FIP1L1: variants seen among roughly 807,000 people sequenced by gnomAD.
FIP1L1 encodes the protein pre-mRNA 3'-end-processing factor FIP1.
FIP1L1 carries 21 observed loss-of-function variants against 84.6 expected under a neutral mutation model. The ratio of observed to expected loss-of-function variants is 0.25; its 90% CI spans 0.18 to 0.36. The LOEUF is 0.36. Among genes scored for constraint, FIP1L1 ranks in the 10% least tolerant of loss-of-function variants. The probability of loss-of-function intolerance (pLI) is 1.00; values close to 1 mark genes in which losing one functional copy is unlikely to be tolerated. For missense variants in FIP1L1, 526 were observed against 751.1 expected (o/e 0.70, Z 3.50); for synonymous variants, 263 against 242.3 (o/e 1.09, Z -0.80).
intron 5 of FIP1L1, among the ~76,000 whole-genome samples, chr4:53,388,759 A>G (rs1220514239): frequency 1.3e-5 from 2 of 152,246 alleles, no homozygotes; most frequent in African/African-American, 2.4e-5. Context: ...CTACTCATAT[A>G]TAAGAATCCA....
At chr4:53,412,590 T>C (rs1315635855) in intron 10 of FIP1L1, among the ~76,000 whole-genome samples, 10 of 152,060 alleles carry the variant, frequency 6.6e-5, no homozygotes, top group Non-Finnish European at 1.5e-4. Context: ...TAGATTCAGG[T>C]TTTGCTTTTT....
At position 53,391,117 on chromosome 4, in the gene FIP1L1, C is replaced by A; in HGVS notation, c.614C>A (p.Thr205Asn). The A allele has an allele frequency of 6.2e-7, 1 of 1,606,000 alleles. No individual in the cohort carries two copies. The highest frequency in any genetic ancestry group is 8.5e-7 in the Non-Finnish European group (1 of 1,177,616). The stretch of plus-strand genomic sequence containing the variant: ...ATGGGACTTGAAGTTATACCAGTAA[C>A]CTCTACTACAAATAAAATTACGGTA... ...IRMGLEVIPV[T>N]STTNKITAED... Residue 205 changes from threonine to asparagine, a missense_variant, in exon 8 of 18, where the codon ACC becomes AAC. Thr to Asn is a moderately conservative substitution (Grantham distance 65). This residue lies in a region of FIP1L1 where 169 missense variants were observed against 206.9 expected (regional missense o/e 0.82). Coordinates refer to ENST00000337488, the MANE Select transcript of FIP1L1 (RefSeq NM_030917.4).
chr4:53,406,574 A>G (rs1753621218), intron 10 of FIP1L1, among the ~76,000 whole-genome samples: 1 of 152,182 alleles, frequency 6.6e-6, no homozygotes, highest in African/African-American at 2.4e-5. Flanking sequence ...GAATAGTTTC[A>G]GAAGGAATGG....
chr4:53,449,715 C>T (rs2150347967), intron 15 of FIP1L1, among the ~76,000 whole-genome samples: 1 of 152,206 alleles, frequency 6.6e-6, no homozygotes, highest in South Asian at 2.1e-4. Flanking sequence ...TACCTTCACT[C>T]ACCTGTAAAA....
chr4:53,380,397 A>G (rs2149250786), intron 3 of FIP1L1, among the ~76,000 whole-genome samples: 1 of 152,352 alleles, frequency 6.6e-6, no homozygotes, highest in East Asian at 1.9e-4. Flanking sequence ...ATTAGTGGTT[A>G]CTAAGAGTTG....
intron 13 of FIP1L1, among the ~76,000 whole-genome samples, chr4:53,433,796 G>C (rs1767826282): frequency 6.6e-6 from 1 of 152,132 alleles, no homozygotes; most frequent in Non-Finnish European, 1.5e-5. Flanking sequence ...GTAGGATTCT[G>C]CATTTTAGAA....
At chr4:53,454,069 T>G (rs1717613697) in intron 16 of FIP1L1, among the ~76,000 whole-genome samples, 1 of 152,234 alleles carries the variant, frequency 6.6e-6, no homozygotes, top group Admixed American at 6.5e-5. Flanking sequence ...GTGTTAAGTT[T>G]TAATGTTTAA....
Position 53,460,361 on chromosome 4 carries a change from T to A in FIP1L1, c.*912T>A, listed in dbSNP as rs1579323396. 5.7e-6 allele frequency: 1 copy of A among 175,856 alleles called. No individual in the cohort carries two copies. Among genetic ancestry groups the A allele is most frequent in the Non-Finnish European group, 1.1e-5 (1 of 88,736 alleles). 10.9% of individuals were successfully genotyped at this position (175,856 alleles called of 1,614,324 possible). Reference sequence around the variant, plus strand: ...GGTATTCATCGGTGATGGTAACAAATAACATGGTATTTGAAAGAATAAATT... The same window carrying A: ...GGTATTCATCGGTGATGGTAACAAAAAACATGGTATTTGAAAGAATAAATT... On this transcript the variant is annotated 3_prime_UTR_variant, in exon 18 of 18. Coordinates refer to ENST00000337488, the MANE Select transcript of FIP1L1 (RefSeq NM_030917.4).
intron 7 of FIP1L1, 97 bp downstream of exon 7, chr4:53,390,725 A>T (rs945523366): frequency 1.5e-5 from 11 of 751,178 alleles, no homozygotes; most frequent in Non-Finnish European, 2.3e-5. Context: ...TTTTTTCATT[A>T]TAATTTTAAT....
At chr4:53,429,526 A>G (rs558788425) in intron 13 of FIP1L1, among the ~76,000 whole-genome samples, 4 of 152,346 alleles carry the variant, frequency 2.6e-5, no homozygotes, top group Admixed American at 1.3e-4. Context: ...TAAAAGGTAG[A>G]AATAATTAAT....
At chr4:53,386,260 A>T (rs149095983) in intron 5 of FIP1L1, among the ~76,000 whole-genome samples, 1 of 152,170 alleles carries the variant, frequency 6.6e-6, no homozygotes, top group Non-Finnish European at 1.5e-5. Context: ...GCCTTTATCA[A>T]ACCATCTGTG....
At chr4:53,459,229 A>G in intron 17 of FIP1L1, 73 bp from the exon 18 acceptor site, 1 of 1,048,442 alleles carries the variant, frequency 9.5e-7, no homozygotes, top group Non-Finnish European at 1.4e-6. Flanking sequence ...GAATTTCCTT[A>G]GAGTGATTGG....
intron 13 of FIP1L1, among the ~76,000 whole-genome samples, chr4:53,437,777 G>GT (rs1770086897): frequency 6.6e-6 from 1 of 151,848 alleles, no homozygotes; most frequent in Non-Finnish European, 1.5e-5. Flanking sequence ...CCAGGCTGGA[G>GT]TGCAGTGGCG....
chr4:53,460,434 A>G lies in FIP1L1; in HGVS notation c.*985A>G, dbSNP rs1175164529. 1 of 190,558 alleles carries G rather than the reference A, an allele frequency of 5.2e-6. No homozygotes were observed. The highest frequency in any genetic ancestry group is 2.3e-5 in the African/African-American group (1 of 42,950). 11.8% of individuals were successfully genotyped at this position (190,558 alleles called of 1,614,324 possible). A position where few individuals can be genotyped will look rare whatever the true frequency, so the allele number is the denominator to read the frequency against. On this transcript the variant is annotated 3_prime_UTR_variant, in exon 18 of 18. Coordinates refer to ENST00000337488, the MANE Select transcript of FIP1L1 (RefSeq NM_030917.4). ...TAATACAAAAGTAATCTTAATTAGT[A>G]TCACATACTAAAAGACAACTATAAC...
At chr4:53,429,666 A>G (rs1049310075) in intron 13 of FIP1L1, among the ~76,000 whole-genome samples, 3 of 152,174 alleles carry the variant, frequency 2.0e-5, no homozygotes, top group Non-Finnish European at 1.5e-5. Flanking sequence ...TTTAATTCTT[A>G]AAACTTTTTA....
At chr4:53,442,730 T>A in intron 14 of FIP1L1, 23 bp downstream of exon 14, 2 of 1,438,162 alleles carry the variant, frequency 1.4e-6, no homozygotes, top group Non-Finnish European at 1.9e-6. Context: ...GGATACTGAT[T>A]TTTGATCATT....
intron 9 of FIP1L1, among the ~76,000 whole-genome samples, chr4:53,393,208 T>C (rs766485285): frequency 2.6e-5 from 4 of 152,118 alleles, no homozygotes; most frequent in Non-Finnish European, 5.9e-5. Flanking sequence ...ATGAAAGGGG[T>C]GTGAAACAGA....
chr4:53,386,288 ATTG>A (rs1741061550), intron 5 of FIP1L1, among the ~76,000 whole-genome samples: 1 of 152,032 alleles, frequency 6.6e-6, no homozygotes, highest in Admixed American at 6.6e-5. Context: ...CATTATTATT[ATTG>A]TTTTTACATT....
chr4:53,457,364 A>G (rs1040515396), intron 16 of FIP1L1, among the ~76,000 whole-genome samples: 8 of 152,138 alleles, frequency 5.3e-5, no homozygotes, highest in African/African-American at 1.9e-4. Context: ...CAAATACAAA[A>G]GTACATATTT....
Sources: allele counts gnomAD v4.1 joint callset (sites outside exome capture counted in the v4.1 genomes callset), GRCh38; gene constraint gnomAD v4.1.1; regional missense constraint gnomAD v4.1.1; transcripts MANE v1.5; gene names NCBI Gene and HGNC (gene_info 2026-07-23, HGNC 2026-07-21).